The following MYH14 variants were observed in gnomAD, a reference collection of about 807,000 sequenced individuals.
The protein encoded by MYH14 is myosin-14.
A neutral mutation model predicts 255.5 loss-of-function variants in MYH14; 123 were observed. That is an observed-to-expected ratio of 0.48 (90% confidence interval 0.42 to 0.56). MYH14 has a LOEUF of 0.56. Ranked by LOEUF, MYH14 falls within the 20% of genes least tolerant of loss-of-function variation. MYH14 has a pLI of 0.00. For missense variants in MYH14, 2,423 were observed against 2,802.3 expected, an observed-to-expected ratio of 0.86 and a Z score of 3.06; for synonymous variants, 1,095 against 1,161.2, an observed-to-expected ratio of 0.94 and a Z score of 1.16.
intron 10 of MYH14, 104 bp downstream of exon 10, chr19:50,232,174 C>T (rs1235600634): frequency 2.8e-6 from 4 of 1,438,144 alleles, no homozygotes; most frequent in Middle Eastern, 1.8e-4. Flanking sequence ...TTATTGAGCA[C>T]CTACTGGGTG....
chr19:50,226,481 G>A (rs2123216332), intron 7 of MYH14, among the ~76,000 whole-genome samples: 2 of 150,222 alleles, frequency 1.3e-5, no homozygotes, highest in Middle Eastern at 6.8e-3. Context: ...TGAGTCTGAG[G>A]GAGGAGGGGC....
At position 50,309,914 on chromosome 19, in the gene MYH14, T is replaced by G. The variant is rs766679106; in HGVS notation, c.*124T>G. 3.1e-5 allele frequency: 31 copies of G among 1,000,088 alleles called. No individual in the cohort carries two copies. Among genetic ancestry groups the G allele is most frequent in the Non-Finnish European group, 4.3e-5 (28 of 648,608 alleles). The allele number at this position is 1,000,088 out of a possible 1,614,324, so 62.0% of individuals were successfully genotyped here. ...TTGCCCTTTGGAAATGGTGCAGCAC[T>G]CTGGCATTTATCACCCCCACCTGGG... On this transcript the variant is annotated 3_prime_UTR_variant, in exon 43 of 43. Coordinates refer to ENST00000642316, the MANE Select transcript of MYH14 (RefSeq NM_001145809.2).
chr19:50,253,825 T>G (rs1451364385), intron 16 of MYH14, among the ~76,000 whole-genome samples: 1 of 152,228 alleles, frequency 6.6e-6, no homozygotes, highest in Non-Finnish European at 1.5e-5. Flanking sequence ...TCCTGTTTTT[T>G]CCAGGTTCCA....
At chr19:50,270,232 A>C (rs1458766543) in intron 24 of MYH14, among the ~76,000 whole-genome samples, 5 of 152,036 alleles carry the variant, frequency 3.3e-5, no homozygotes, top group African/African-American at 1.2e-4. Flanking sequence ...AAACAGAATA[A>C]AATAGGCTGG....
At chr19:50,309,460 C>T (rs1008023824) in intron 42 of MYH14, 180 bp from the exon 43 acceptor site, 3 of 623,404 alleles carry the variant, frequency 4.8e-6, no homozygotes, top group South Asian at 3.8e-5. Flanking sequence ...CTCTCTGCCC[C>T]CCATTGCTTC....
intron 42 of MYH14, 56 bp downstream of exon 42, chr19:50,309,233 C>A: frequency 6.4e-7 from 1 of 1,552,656 alleles, no homozygotes; most frequent in Non-Finnish European, 8.9e-7. Flanking sequence ...ACTCCATAAA[C>A]CCCAGGGACG....
chr19:50,249,002 G>C lies in MYH14; in HGVS notation c.1345G>C (p.Glu449Gln). 1 of 1,613,520 alleles carries C rather than the reference G, an allele frequency of 6.2e-7. No homozygotes were observed. The highest frequency in any genetic ancestry group is 2.2e-5 in the East Asian group (1 of 44,894). The change falls in exon 13 of 43, where the codon GAG becomes CAG. Residue 449 changes from glutamate (E) to glutamine (Q), a missense_variant. Physicochemically the swap from Glu to Gln is conservative, Grantham distance 29. Coordinates refer to ENST00000642316, the MANE Select transcript of MYH14 (RefSeq NM_001145809.2). ...QTKEQADFAL[E>Q]ALAKATYERL... The stretch of plus-strand genomic sequence containing the variant: ...TGTCCCACAGGCTGACTTCGCGCTG[G>C]AGGCCCTGGCCAAGGCCACCTACGA...
At chr19:50,225,296 T>C (rs2033035635) in intron 6 of MYH14, among the ~76,000 whole-genome samples, 1 of 152,210 alleles carries the variant, frequency 6.6e-6, no homozygotes, top group African/African-American at 2.4e-5. Flanking sequence ...CCTTAATTCA[T>C]TTCTTATTAA....
chr19:50,276,055 C>T lies in MYH14; in HGVS notation c.3532C>T (p.Leu1178=), dbSNP rs1315254819. 6.2e-7 allele frequency: 1 copy of T among 1,612,174 alleles called. No homozygotes were observed. Among genetic ancestry groups the T allele is most frequent in the East Asian group, 2.2e-5 (1 of 44,832 alleles). Residue 1178 remains leucine, a synonymous_variant, in exon 28 of 43, where the codon CTG becomes TTG. Transcript: ENST00000642316. This position sits in a 1 kb window ranked among gnomAD's most constrained non-coding sequence, Gnocchi z 4.3. ...ATCCCTGCGGGAGGCTCAAGCAGCC[C>T]TGGCCGAGGCCCAGGAGGACCTGGA... ...LKSLREAQAA[L]AEAQEDLESE... is the part of the protein sequence containing the mutation.
intron 2 of MYH14, among the ~76,000 whole-genome samples, chr19:50,213,372 C>T (rs377673970): frequency 6.6e-6 from 1 of 152,280 alleles, no homozygotes; most frequent in African/African-American, 2.4e-5. Flanking sequence ...TGAACATAAG[C>T]CCCACAACTA....
intron 33 of MYH14, chr19:50,285,484 A>G (rs1321448557): frequency 6.6e-6 from 1 of 152,188 alleles, no homozygotes; most frequent in Non-Finnish European, 1.5e-5. Flanking sequence ...TCATGGTTTT[A>G]TGGCTATTTT....
chr19:50,306,020 T>C (rs1306652045), intron 40 of MYH14, among the ~76,000 whole-genome samples: 2 of 152,210 alleles, frequency 1.3e-5, no homozygotes, highest in African/African-American at 4.8e-5. Context: ...GGCTCACGCC[T>C]GTAATCCCAG....
intron 10 of MYH14, among the ~76,000 whole-genome samples, chr19:50,233,067 G>T (rs2033483235): frequency 1.3e-5 from 2 of 152,112 alleles, no homozygotes; most frequent in African/African-American, 2.4e-5. Flanking sequence ...GGCTCAGGAC[G>T]CTGTCCCAGG....
At chr19:50,286,731 G>C in intron 34 of MYH14, 37 bp downstream of exon 34, 1 of 1,530,164 alleles carries the variant, frequency 6.5e-7, no homozygotes, top group Non-Finnish European at 8.9e-7. Flanking sequence ...CACACTGGGT[G>C]AGGGGAGACA....
At position 50,271,825 on chromosome 19, in the gene MYH14, C is replaced by T. The variant is rs199756837; in HGVS notation, c.3172-24C>T. ...TCCTGGCCCAACTCCTCCTGACTGCCCCCCATCCCACTCCACCCCTCAGGA... is the reference window on the plus strand; with the variant it reads ...TCCTGGCCCAACTCCTCCTGACTGCTCCCCATCCCACTCCACCCCTCAGGA... On this transcript the variant is annotated intron_variant, in intron 25 of 42. Coordinates refer to ENST00000642316, the MANE Select transcript of MYH14 (RefSeq NM_001145809.2). The T allele has an allele frequency of 4.3e-6, 7 of 1,612,174 alleles. No individual in the cohort carries two copies. The African/African-American group carries it at 8.0e-5, about 18-fold the overall frequency.
In MYH14 at chr19:50,289,448, G is replaced by C. The variant is rs908295153; in HGVS notation, c.4765G>C (p.Glu1589Gln). ...DDVGKSVHEL[E>Q]RACRVAEQAA... The stretch of plus-strand genomic sequence containing the variant: ...CTCTCCCCACCAGGTGCATGAGCTG[G>C]AACGAGCCTGCCGGGTAGCAGAACA... Residue 1589 changes from glutamate (E) to glutamine (Q), a missense_variant, in exon 35 of 43, where the codon GAA (glutamate) becomes CAA (glutamine). Glu to Gln is a conservative substitution (Grantham distance 29, BLOSUM62 2). Around this residue, in one of 3 missense-constraint regions of MYH14, gnomAD observed 1,513 missense variants for 1,674.8 expected, o/e 0.90. Coordinates refer to ENST00000642316, the MANE Select transcript of MYH14 (RefSeq NM_001145809.2). 6.2e-7 allele frequency: 1 copy of C among 1,608,920 alleles called. No homozygotes were observed. Among genetic ancestry groups the C allele is most frequent in the Admixed American group, 1.7e-5 (1 of 59,340 alleles).
In MYH14 at chr19:50,293,644, A is replaced by G; in HGVS notation, c.5426A>G (p.Asn1809Ser). Residue 1809 changes from asparagine (N) to serine (S), a missense_variant, in exon 39 of 43, where the codon AAC becomes AGC. Transcript: ENST00000642316. This position sits in a 1 kb window ranked among gnomAD's most constrained non-coding sequence, Gnocchi z 4.1. Reference sequence around the variant, plus strand: ...GAAGAGCTGGAGGAGGAGCAGAGCAACTCGGAGCTGCTCAATGACCGCTAC... The same window carrying G: ...GAAGAGCTGGAGGAGGAGCAGAGCAGCTCGGAGCTGCTCAATGACCGCTAC... The part of the protein sequence containing the change: ...LEEELEEEQS[N>S]SELLNDRYRK... 6.2e-7 allele frequency: 1 copy of G among 1,608,874 alleles called. No individual in the cohort carries two copies. Among genetic ancestry groups the G allele is most frequent in the South Asian group, 1.1e-5 (1 of 90,306 alleles).
chr19:50,230,861 C>T lies in MYH14; in HGVS notation c.973+238C>T, dbSNP rs935532108. 9.8e-6 allele frequency: 5 copies of T among 508,058 alleles called. No individual in the cohort carries two copies. Among genetic ancestry groups the T allele is most frequent in the African/African-American group, 5.8e-5 (3 of 51,750 alleles). 31.5% of individuals were successfully genotyped at this position (508,058 alleles called of 1,614,324 possible). A position where few individuals can be genotyped will look rare whatever the true frequency, so the allele number is the denominator to read the frequency against. On this transcript the variant is annotated intron_variant, in intron 9 of 42. Transcript: ENST00000642316. The surrounding 1 kb of genome is among the most constrained non-coding windows in gnomAD (Gnocchi z 4.7). ...GTCTGGCTCGCGCCCGCTGTCACGG[C>T]CACGCAGCCCCCGCCGCCTGGTGGC...
Position 50,272,661 on chromosome 19 carries a change from C to T in MYH14, c.3397C>T (p.Gln1133Ter). ...SELQEQMVEQ[Q>*]QRAEELRAQL... The stretch of plus-strand genomic sequence containing the variant: ...GCTGCAGGAGCAGATGGTGGAGCAG[C>T]AACAGCGGGCAGAGGAGCTGCGGGC... The change falls in exon 27 of 43, where the codon CAA (glutamine) becomes TAA (stop). Residue 1133 changes from glutamine (Q) to a stop codon, truncating the protein, a stop_gained. Coordinates refer to ENST00000642316, the MANE Select transcript of MYH14 (RefSeq NM_001145809.2). LOFTEE classifies it high-confidence loss of function. The T allele has an allele frequency of 6.4e-7, 1 of 1,558,940 alleles. No individual in the cohort carries two copies. The highest frequency in any genetic ancestry group is 8.7e-7 in the Non-Finnish European group (1 of 1,152,038).
Sources: gnomAD v4.1 joint callset for allele counts (sites outside exome capture counted in the v4.1 genomes callset) on GRCh38, gnomAD v4.1.1 for gene constraint, gnomAD v4.1.1 regional missense constraint, Gnocchi (gnomAD v3.1) non-coding constraint, MANE v1.5 for transcripts, NCBI Gene and HGNC (gene_info 2026-07-23, HGNC 2026-07-21) for gene names.